USP15: variants seen among roughly 807,000 people sequenced by gnomAD.
The protein encoded by USP15 is ubiquitin specific peptidase 15, also known as ubiquitin carboxyl-terminal hydrolase 15.
USP15 carries 18 observed loss-of-function variants against 127.1 expected under a neutral mutation model. The ratio of observed to expected loss-of-function variants is 0.14; its 90% confidence interval spans 0.10 to 0.21. The LOEUF (loss-of-function observed/expected upper bound fraction) is 0.21, where lower values mean the gene tolerates loss of function less well. Among genes scored for constraint, USP15 ranks in the 10% least tolerant of loss-of-function variants. The pLI, the probability that USP15 is intolerant of heterozygous loss-of-function variation, is 1.00. For synonymous variants in USP15, 364 were observed against 393.7 expected (o/e 0.92, Z 0.89); for missense variants, 805 against 1,159.9 (o/e 0.69, Z 4.44).
In USP15 at chr12:62,384,194, A is replaced by G. The variant is rs1314189218; in HGVS notation, c.1365A>G (p.Ser455=). The part of the protein sequence containing the change: ...TLVCPECAKI[S]VTFDPFCYLT... ...TTTGTCCTGAGTGTGCTAAGATTTCAGTAACATTTGATCCTTTTTGTTACT... is the reference window on the plus strand; with the variant it reads ...TTTGTCCTGAGTGTGCTAAGATTTCGGTAACATTTGATCCTTTTTGTTACT... Residue 455 remains serine, a synonymous_variant, in exon 11 of 22, where the codon TCA becomes TCG. Transcript: ENST00000280377. 1.7e-5 allele frequency: 28 copies of G among 1,613,040 alleles called. No homozygotes were observed. Among genetic ancestry groups the G allele is most frequent in the Non-Finnish European group, 2.1e-5 (25 of 1,179,358 alleles).
At chr12:62,273,089 T>C (rs1389363924) in intron 1 of USP15, among the ~76,000 whole-genome samples, 1 of 152,010 alleles carries the variant, frequency 6.6e-6, no homozygotes, top group Non-Finnish European at 1.5e-5. Context: ...CACCTTGTCA[T>C]AAACTCCAAC....
At chr12:62,262,357 C>A (rs921214037) in intron 1 of USP15, among the ~76,000 whole-genome samples, 2 of 152,048 alleles carry the variant, frequency 1.3e-5, no homozygotes, top group African/African-American at 2.4e-5. Context: ...CAAATAAGTC[C>A]CCGCTGGCTA....
At chr12:62,377,660 C>T (rs1333916713) in intron 8 of USP15, among the ~76,000 whole-genome samples, 6 of 151,680 alleles carry the variant, frequency 4.0e-5, no homozygotes, top group Non-Finnish European at 8.8e-5. Context: ...GCAGAGATTG[C>T]AGTGAGCTGA....
chr12:62,393,095 A>G lies in USP15; in HGVS notation c.2463A>G (p.Lys821=). Residue 821 remains lysine, a synonymous_variant, in exon 19 of 22, where the codon AAA becomes AAG. Transcript: ENST00000280377. ...NCKEHQQATK[K]LDLWSLPPVL... The stretch of plus-strand genomic sequence containing the variant: ...AAGAACATCAGCAAGCCACAAAGAA[A>G]TTGGATTTATGGTCCCTGCCTCCAG... 3.7e-6 allele frequency: 6 copies of G among 1,613,838 alleles called. No individual in the cohort carries two copies. Among genetic ancestry groups the G allele is most frequent in the Non-Finnish European group, 5.1e-6 (6 of 1,179,864 alleles).
Position 62,332,601 on chromosome 12 carries a change from A to T in USP15, c.683+6668A>T, listed in dbSNP as rs192980880. The stretch of plus-strand genomic sequence containing the variant: ...TGATTAGTCAAAAAGTATTGTCAAA[A>T]GATATGTGCTTAAGTATTGGGTGGA... On this transcript the variant is annotated intron_variant, in intron 6 of 21. Coordinates refer to ENST00000280377, the MANE Select transcript of USP15 (RefSeq NM_001252078.2). Among the ~76,000 whole-genome samples the T allele has an allele frequency of 8.5e-5, 13 of 152,326 alleles. 1 individual carries two copies. Among genetic ancestry groups the T allele is most frequent in the African/African-American group, 2.6e-4 (11 of 41,574 alleles).
chr12:62,332,206 A>G lies in USP15; in HGVS notation c.683+6273A>G, dbSNP rs147670386. ...AAAAGTTTTCTAACTGAATTTTTCT[A>G]CTAGATATCAACAAAGAATTTGAAA... is the stretch of plus-strand genomic sequence containing the variant. On this transcript the variant is annotated intron_variant, in intron 6 of 21. Coordinates refer to ENST00000280377, the MANE Select transcript of USP15 (RefSeq NM_001252078.2). 8.6e-4 allele frequency among the ~76,000 whole-genome samples: 131 copies of G among 151,540 alleles called. 2 individuals are homozygous for G. In the East Asian group the frequency reaches 8.7e-3, roughly 10 times the overall value.
intron 8 of USP15, among the ~76,000 whole-genome samples, chr12:62,369,492 T>C (rs2066591776): frequency 6.6e-6 from 1 of 152,154 alleles, no homozygotes; most frequent in South Asian, 2.1e-4. Flanking sequence ...TACCTGATTT[T>C]TTTATTTTTT....
chr12:62,363,612 T>A (rs985579109), intron 8 of USP15, among the ~76,000 whole-genome samples: 1 of 152,034 alleles, frequency 6.6e-6, no homozygotes, highest in African/African-American at 2.4e-5. Flanking sequence ...TCTGGCATGT[T>A]TTATTTCTAT....
chr12:62,315,343 T>A (rs543437812), intron 4 of USP15, among the ~76,000 whole-genome samples: 2 of 152,128 alleles, frequency 1.3e-5, no homozygotes, highest in South Asian at 4.1e-4. Context: ...TTTTGACACA[T>A]TGATTTTTCA....
intron 4 of USP15, 102 bp downstream of exon 4, chr12:62,315,018 A>G (rs1273625510): frequency 2.7e-5 from 30 of 1,123,880 alleles, no homozygotes; most frequent in Non-Finnish European, 3.3e-5. Context: ...TTAAGGATTT[A>G]TATATAGACA....
In USP15 at chr12:62,416,343, T is replaced by C; in HGVS notation, c.*11968T>C. On this transcript the variant is annotated 3_prime_UTR_variant, in exon 22 of 22. Coordinates refer to ENST00000280377, the MANE Select transcript of USP15 (RefSeq NM_001252078.2). ...ATGTTAAGATGGTGTATGTGTGGCA[T>C]AGTATTTGTTCCTAAATGTAAAAGT... 1 of 152,220 alleles carries C rather than the reference T, an allele frequency of 6.6e-6. No homozygotes were observed. Among genetic ancestry groups the C allele is most frequent in the Non-Finnish European group, 1.5e-5 (1 of 68,042 alleles). The allele number at this position is 152,220 out of a possible 1,614,324, so 9.4% of individuals were successfully genotyped here. A position where few individuals can be genotyped will look rare whatever the true frequency, so the allele number is the denominator to read the frequency against.
chr12:62,304,089 C>CT lies in USP15; in HGVS notation c.348+1177dup, dbSNP rs532730730. Among the ~76,000 whole-genome samples the CT allele has an allele frequency of 3.2e-3, 493 of 152,012 alleles. 1 individual carries two copies. The highest frequency in any genetic ancestry group is 5.4e-3 in the Admixed American group (83 of 15,234). On this transcript the variant is annotated intron_variant, in intron 3 of 21. Transcript: ENST00000280377. Reference sequence around the variant, plus strand: ...GTATTCCTTTAATCTTAATGATACACTTTTTTTTCTTATAAATGTAGCACA... The same window carrying CT: ...GTATTCCTTTAATCTTAATGATACACTTTTTTTTTCTTATAAATGTAGCACA...
chr12:62,363,197 T>C (rs1417078791), intron 8 of USP15, among the ~76,000 whole-genome samples: 1 of 152,208 alleles, frequency 6.6e-6, no homozygotes, highest in Non-Finnish European at 1.5e-5. Flanking sequence ...CTCCACAATC[T>C]GTTCTTAAAA....
At chr12:62,312,292 A>G in intron 3 of USP15, 1 of 345,380 alleles carries the variant, frequency 2.9e-6, no homozygotes. Flanking sequence ...TCAGGGAGGG[A>G]GCATACTTGG....
chr12:62,391,211 C>A lies in USP15; in HGVS notation c.2015C>A (p.Pro672His), dbSNP rs771433899. The change falls in exon 16 of 22, where the codon CCC becomes CAC. Residue 672 changes from proline (P) to histidine (H), a missense_variant. Physicochemically the swap from Pro to His is moderately conservative, Grantham distance 77. Around this residue, in one of 11 missense-constraint regions of USP15, gnomAD observed 225 missense variants for 239.5 expected, o/e 0.94. Coordinates refer to ENST00000280377, the MANE Select transcript of USP15 (RefSeq NM_001252078.2). ...DDESSQDQEL[P>H]SENENSQSED... is the part of the protein sequence containing the mutation. ...GAATCCAGCCAGGATCAAGAACTTC[C>A]CTCAGAGAATGAAAACAGTCAGTCT... 1 of 1,613,474 alleles carries A rather than the reference C, an allele frequency of 6.2e-7. No individual in the cohort carries two copies. The highest frequency in any genetic ancestry group is 8.5e-7 in the Non-Finnish European group (1 of 1,179,710).
intron 6 of USP15, among the ~76,000 whole-genome samples, chr12:62,333,898 A>G (rs560309163): frequency 6.6e-6 from 1 of 152,286 alleles, no homozygotes; most frequent in African/African-American, 2.4e-5. Flanking sequence ...ATGAAGAAGG[A>G]CAGTTGGCAT....
At chr12:62,356,411 C>T (rs956055726) in intron 8 of USP15, among the ~76,000 whole-genome samples, 4 of 151,910 alleles carry the variant, frequency 2.6e-5, no homozygotes, top group East Asian at 1.9e-4. Flanking sequence ...ATTCAGTATT[C>T]TAAGTGAATC....
At chr12:62,273,146 G>GACAT (rs1213138584) in intron 1 of USP15, among the ~76,000 whole-genome samples, 3,336 of 151,942 alleles carry the variant, frequency 0.022, 122 homozygotes, top group African/African-American at 0.075. Context: ...AAGTCCTTCT[G>GACAT]GCCTTAGCAT....
chr12:62,274,355 A>G (rs1182706756), intron 1 of USP15: 1 of 151,654 alleles, frequency 6.6e-6, no homozygotes, highest in East Asian at 1.9e-4. Flanking sequence ...TTTTAATATT[A>G]GGCAATTAAG....
Sources: allele counts gnomAD v4.1 joint callset (sites outside exome capture counted in the v4.1 genomes callset), GRCh38; gene constraint gnomAD v4.1.1; regional missense constraint gnomAD v4.1.1; transcripts MANE v1.5; gene names NCBI Gene and HGNC (gene_info 2026-07-23, HGNC 2026-07-21).